Variants in NXPH2 observed in about 807,000 individuals in gnomAD.
The protein encoded by NXPH2 is neurexophilin 2.
NXPH2 carries 5 observed loss-of-function variants against 19.8 expected under a neutral mutation model. That is an observed-to-expected ratio of 0.25 (90% CI 0.13 to 0.53). NXPH2 has a LOEUF of 0.53. Among genes scored for constraint, NXPH2 ranks in the 20% least tolerant of loss-of-function variants. The pLI, the probability that NXPH2 is intolerant of heterozygous loss-of-function variation, is 0.96. For missense variants in NXPH2, 289 were observed against 322.8 expected (o/e 0.90, Z 0.80); for synonymous variants, 154 against 127.4 (o/e 1.21, Z -1.41).
chr2:138,749,950 A>G (rs532940417), intron 1 of NXPH2, among the ~76,000 whole-genome samples: 2 of 152,008 alleles, frequency 1.3e-5, no homozygotes, highest in African/African-American at 4.8e-5. Context: ...GTCAGGTTGA[A>G]CCCAGGAACC....
At chr2:138,724,524 A>G (rs12691955) in intron 1 of NXPH2, among the ~76,000 whole-genome samples, 145,698 of 152,324 alleles carry the variant, frequency 0.96, 69,752 homozygotes, top group East Asian at 1. Context: ...GCAGAGCTCA[A>G]CAGGTCATTG....
At chr2:138,744,179 A>T (rs1035589332) in intron 1 of NXPH2, among the ~76,000 whole-genome samples, 22 of 152,124 alleles carry the variant, frequency 1.4e-4, no homozygotes, top group African/African-American at 5.3e-4. Context: ...AGTAGGTATA[A>T]TGTTATATGG....
At chr2:138,715,387 C>G (rs965527555) in intron 1 of NXPH2, among the ~76,000 whole-genome samples, 2 of 152,150 alleles carry the variant, frequency 1.3e-5, no homozygotes, top group African/African-American at 4.8e-5. Flanking sequence ...TTGAGCCCTT[C>G]CTCTAGATTT....
intron 1 of NXPH2, among the ~76,000 whole-genome samples, chr2:138,716,894 G>T (rs1025395962): frequency 2.0e-5 from 3 of 152,126 alleles, no homozygotes; most frequent in Non-Finnish European, 4.4e-5. Context: ...CAATTGGTTG[G>T]TATTTACCAA....
chr2:138,682,610 TGA>T lies in NXPH2; in HGVS notation c.52-10947_52-10946del, dbSNP rs1680594915. On this transcript the variant is annotated intron_variant, in intron 1 of 1. Coordinates refer to ENST00000272641, the MANE Select transcript of NXPH2 (RefSeq NM_007226.3). ...GCTAAACAGTGGACATCCTTTCTGC[TGA>T]GAGTGGCAAATTCATTTTACCTTCC... is the stretch of plus-strand genomic sequence containing the variant. Among the ~76,000 whole-genome samples the T allele has an allele frequency of 4.6e-5, 7 of 152,342 alleles. No individual in the cohort carries two copies. The South Asian group carries it at 1.4e-3, about 32-fold the overall frequency.
At chr2:138,736,949 C>T in intron 1 of NXPH2, among the ~76,000 whole-genome samples, 1 of 152,308 alleles carries the variant, frequency 6.6e-6, no homozygotes, top group African/African-American at 2.4e-5. Flanking sequence ...CAGTTCCCAA[C>T]AAGTTCCTCA....
intron 1 of NXPH2, among the ~76,000 whole-genome samples, chr2:138,759,729 CT>C (rs772878668): frequency 0.053 from 6,668 of 126,472 alleles, 398 homozygotes; most frequent in African/African-American, 0.18. Flanking sequence ...CCTATGCCAC[CT>C]TTTTTTTTTT....
intron 1 of NXPH2, among the ~76,000 whole-genome samples, chr2:138,699,087 G>A (rs1680877389): frequency 6.6e-6 from 1 of 152,122 alleles, no homozygotes; most frequent in Non-Finnish European, 1.5e-5. Context: ...GTATGTGAAT[G>A]TATGTATGTA....
intron 1 of NXPH2, among the ~76,000 whole-genome samples, chr2:138,700,723 G>C (rs1401994744): frequency 6.6e-6 from 1 of 151,926 alleles, no homozygotes; most frequent in Non-Finnish European, 1.5e-5. Flanking sequence ...CCGTCTGTTG[G>C]ACTTCTTAAT....
At chr2:138,698,994 A>G (rs993233947) in intron 1 of NXPH2, among the ~76,000 whole-genome samples, 1 of 152,214 alleles carries the variant, frequency 6.6e-6, no homozygotes, top group African/African-American at 2.4e-5. Context: ...TTAGTTTTGT[A>G]TATTGGATTC....
intron 1 of NXPH2, among the ~76,000 whole-genome samples, chr2:138,684,640 T>A (rs1334980613): frequency 6.6e-6 from 1 of 152,164 alleles, no homozygotes; most frequent in African/African-American, 2.4e-5. Flanking sequence ...TATCTAGACC[T>A]CCCTAAATCC....
intron 1 of NXPH2, among the ~76,000 whole-genome samples, chr2:138,681,690 C>A (rs1017460960): frequency 6.6e-6 from 1 of 152,164 alleles, no homozygotes; most frequent in Non-Finnish European, 1.5e-5. Flanking sequence ...ACAGGACTGG[C>A]ATATTCTACT....
intron 1 of NXPH2, 134 bp downstream of exon 1, chr2:138,780,057 C>G (rs1682326799): frequency 2.4e-6 from 2 of 837,666 alleles, no homozygotes; most frequent in South Asian, 4.1e-5. Flanking sequence ...CAACCCAAAA[C>G]TCCTTGCCCT....
intron 1 of NXPH2, among the ~76,000 whole-genome samples, chr2:138,686,638 G>C (rs1049241246): frequency 6.6e-6 from 1 of 152,006 alleles, no homozygotes; most frequent in African/African-American, 2.4e-5. Context: ...TGCCATGTTG[G>C]TGTGCTGCAC....
intron 1 of NXPH2, among the ~76,000 whole-genome samples, chr2:138,675,967 G>A (rs72860154): frequency 7.1e-6 from 1 of 141,328 alleles, no homozygotes; most frequent in African/African-American, 2.5e-5. Context: ...GTGTGTGTGT[G>A]TGTGTGTGTG....
At chr2:138,749,345 C>A (rs1048784310) in intron 1 of NXPH2, among the ~76,000 whole-genome samples, 3 of 152,086 alleles carry the variant, frequency 2.0e-5, no homozygotes, top group African/African-American at 7.2e-5. Flanking sequence ...TGGGCAGTAT[C>A]TTTATGGCAG....
At chr2:138,729,578 C>T (rs1359978640) in intron 1 of NXPH2, among the ~76,000 whole-genome samples, 2 of 152,200 alleles carry the variant, frequency 1.3e-5, no homozygotes, top group Admixed American at 1.3e-4. Flanking sequence ...CTTCTAAAAT[C>T]TTCCTGCTGC....
intron 1 of NXPH2, among the ~76,000 whole-genome samples, chr2:138,775,622 T>A (rs1024049076): frequency 6.6e-6 from 1 of 152,120 alleles, no homozygotes; most frequent in Non-Finnish European, 1.5e-5. Context: ...TTATCTAAAA[T>A]CATTTAAACA....
chr2:138,681,537 T>C (rs1038061083), intron 1 of NXPH2, among the ~76,000 whole-genome samples: 4 of 152,226 alleles, frequency 2.6e-5, no homozygotes, highest in Admixed American at 2.6e-4. Context: ...GTTGTAACTA[T>C]TTTATAGTAC....
Sources: allele counts gnomAD v4.1 joint callset (sites outside exome capture counted in the v4.1 genomes callset), GRCh38; gene constraint gnomAD v4.1.1; transcripts MANE v1.5; gene names NCBI Gene and HGNC (gene_info 2026-07-23, HGNC 2026-07-21).